The following SNX29 variants were observed in gnomAD, a reference collection of about 807,000 sequenced individuals.
The protein encoded by SNX29 is sorting nexin 29, also known as sorting nexin-29.
In SNX29, 78 loss-of-function variants were observed where a neutral mutation model predicts 102.1. The observed-to-expected ratio is 0.76, with a 90% CI of 0.64 to 0.92. The LOEUF (loss-of-function observed/expected upper bound fraction) is 0.92. Ranked by LOEUF, SNX29 falls within the 40% of genes least tolerant of loss-of-function variation. SNX29 has a pLI of 0.00. For synonymous variants in SNX29, 580 were observed against 414.5 expected, an observed-to-expected ratio of 1.40 and a Z score of -4.85; for missense variants, 1,280 against 1,061.7, an observed-to-expected ratio of 1.21 and a Z score of -2.86.
At chr16:12,227,139 G>A (rs773183126) in intron 14 of SNX29, among the ~76,000 whole-genome samples, 1 of 11,778 alleles carries the variant, frequency 8.5e-5, no homozygotes, top group East Asian at 2.6e-3. Context: ...GCATCTGGGG[G>A]TCTGGCGGAT....
chr16:12,216,945 C>T (rs1567322293), intron 14 of SNX29, among the ~76,000 whole-genome samples: 1 of 152,196 alleles, frequency 6.6e-6, no homozygotes. Context: ...TTGTTTTCCA[C>T]CTAGGTGGCC....
chr16:12,035,204 CTTT>C (rs3971431), intron 4 of SNX29, among the ~76,000 whole-genome samples: 33 of 135,280 alleles, frequency 2.4e-4, no homozygotes, highest in Non-Finnish European at 3.0e-4. Context: ...AGAAATTTCC[CTTT>C]TTTTTTTTTT....
At chr16:12,319,195 A>T (rs2080849221) in intron 15 of SNX29, among the ~76,000 whole-genome samples, 1 of 152,120 alleles carries the variant, frequency 6.6e-6, no homozygotes, top group South Asian at 2.1e-4. Context: ...ATTTAACTTA[A>T]CCACTCAGTC....
intron 8 of SNX29, 153 bp downstream of exon 8, chr16:12,052,375 C>G (rs957249552): frequency 5.1e-5 from 38 of 752,314 alleles, no homozygotes; most frequent in Admixed American, 8.3e-5. Flanking sequence ...TGTCACCACA[C>G]CCAGCTAATT....
chr16:12,565,054 C>G (rs544066810), intron 20 of SNX29, among the ~76,000 whole-genome samples: 2 of 152,144 alleles, frequency 1.3e-5, no homozygotes, highest in African/African-American at 2.4e-5. Flanking sequence ...CTTCATTCCC[C>G]TGTAGCAAAG....
At position 12,494,964 on chromosome 16, in the gene SNX29, G is replaced by A. The variant is rs141143098; in HGVS notation, c.2178+17105G>A. 4.9e-3 allele frequency among the ~76,000 whole-genome samples: 751 copies of A among 152,256 alleles called. 4 individuals are homozygous for A. Among genetic ancestry groups the A allele is most frequent in the African/African-American group, 0.017 (720 of 41,554 alleles). On this transcript the variant is annotated intron_variant, in intron 19 of 20. Transcript: ENST00000566228. ...AGGCAGGGTGCCAAGGACTGCCTGC[G>A]CATTCTCATTTAATCTCGTCAGTAT...
intron 15 of SNX29, among the ~76,000 whole-genome samples, chr16:12,298,524 A>G (rs78043608): frequency 0.011 from 1,611 of 152,342 alleles, 15 homozygotes; most frequent in Non-Finnish European, 0.016. Context: ...TGGGAATGGT[A>G]ATAGTTCCTA....
intron 18 of SNX29, among the ~76,000 whole-genome samples, chr16:12,471,373 C>A (rs80335560): frequency 1.3e-5 from 2 of 152,210 alleles, no homozygotes; most frequent in African/African-American, 4.8e-5. Context: ...TTCTCCTCCT[C>A]TTCCAAAGAC....
In SNX29 at chr16:12,385,294, C is replaced by G. The variant is rs7201716; in HGVS notation, c.1900-13152C>G. On this transcript the variant is annotated intron_variant, in intron 16 of 20. Transcript: ENST00000566228. ...GAAAGAATAAACCTTGACAGACCCA[C>G]GTCTGGGGACTTGTGGAAGGAAAGA... Among the ~76,000 whole-genome samples the G allele has an allele frequency of 1.5e-3, 222 of 152,340 alleles. 1 individual carries two copies. Among genetic ancestry groups the G allele is most frequent in the African/African-American group, 4.6e-3 (190 of 41,574 alleles).
chr16:12,549,565 C>G (rs929021814), intron 20 of SNX29, among the ~76,000 whole-genome samples: 7 of 152,178 alleles, frequency 4.6e-5, no homozygotes, highest in African/African-American at 1.2e-4. Context: ...GGCTTCCACC[C>G]TGGGACCCCA....
chr16:12,357,021 A>G (rs1226161206), intron 16 of SNX29, among the ~76,000 whole-genome samples: 1 of 152,262 alleles, frequency 6.6e-6, no homozygotes, highest in Non-Finnish European at 1.5e-5. Flanking sequence ...TTTTGGATTC[A>G]GTAGTGTCTT....
intron 18 of SNX29, among the ~76,000 whole-genome samples, chr16:12,467,917 G>A (rs2151782655): frequency 6.6e-6 from 1 of 152,206 alleles, no homozygotes; most frequent in Non-Finnish European, 1.5e-5. Context: ...CCAGGGACAG[G>A]GCACTCCAGG....
At chr16:12,542,296 G>A (rs1024220862) in intron 20 of SNX29, among the ~76,000 whole-genome samples, 2 of 152,156 alleles carry the variant, frequency 1.3e-5, no homozygotes, top group East Asian at 1.9e-4. Context: ...ACTTGCCCAA[G>A]ATCACAGCTA....
At chr16:12,296,903 C>G (rs35035585) in intron 15 of SNX29, among the ~76,000 whole-genome samples, 1 of 152,196 alleles carries the variant, frequency 6.6e-6, no homozygotes, top group Non-Finnish European at 1.5e-5. Context: ...CATTTTGGAC[C>G]ACATAATCGT....
intron 15 of SNX29, among the ~76,000 whole-genome samples, chr16:12,289,449 C>T (rs955392628): frequency 6.6e-6 from 1 of 152,208 alleles, no homozygotes; most frequent in Non-Finnish European, 1.5e-5. Context: ...CTTTTGATTT[C>T]TCTCACAGAA....
chr16:12,069,666 C>T lies in SNX29; in HGVS notation c.1319+534C>T, dbSNP rs1294931579. Among the ~76,000 whole-genome samples the T allele has an allele frequency of 1.3e-5, 2 of 152,044 alleles. 1 individual carries two copies. Among genetic ancestry groups the T allele is most frequent in the Non-Finnish European group, 2.9e-5 (2 of 68,030 alleles). ...TGACGAATGTCAACACCTTTTGGGG[C>T]ATATCTGGGTGCCTCCTCTATTGTT... On this transcript the variant is annotated intron_variant, in intron 10 of 20. Coordinates refer to ENST00000566228, the MANE Select transcript of SNX29 (RefSeq NM_032167.5).
At chr16:12,505,974 T>C (rs2089359972) in intron 19 of SNX29, among the ~76,000 whole-genome samples, 1 of 152,184 alleles carries the variant, frequency 6.6e-6, no homozygotes, top group Non-Finnish European at 1.5e-5. Context: ...TTTGTTTGTT[T>C]GTTTGAGACA....
intron 14 of SNX29, among the ~76,000 whole-genome samples, chr16:12,226,421 A>AGG (rs1253133818): frequency 6.6e-6 from 1 of 152,142 alleles, no homozygotes; most frequent in Admixed American, 6.5e-5. Flanking sequence ...GTTTAAAAGG[A>AGG]GGAGAGAGAG....
At chr16:12,101,671 G>A (rs377412993) in intron 11 of SNX29, among the ~76,000 whole-genome samples, 2 of 152,042 alleles carry the variant, frequency 1.3e-5, no homozygotes, top group Admixed American at 6.6e-5. Context: ...GGCACGAGTC[G>A]CTGTGCCTGG....
Sources: gnomAD v4.1 joint callset for allele counts (sites outside exome capture counted in the v4.1 genomes callset) on GRCh38, gnomAD v4.1.1 for gene constraint, MANE v1.5 for transcripts, NCBI Gene and HGNC (gene_info 2026-07-23, HGNC 2026-07-21) for gene names.